ITSN1: variants seen among roughly 807,000 people sequenced by gnomAD.
The protein encoded by ITSN1 is intersectin 1.
Under a neutral mutation model 239.8 loss-of-function variants are expected in ITSN1, and 58 were observed. The ratio of observed to expected loss-of-function variants is 0.24; its 90% CI spans 0.20 to 0.30. ITSN1 has a LOEUF of 0.30. Among genes scored for constraint, ITSN1 ranks in the 10% least tolerant of loss-of-function variants. The pLI is 1.00. For synonymous variants in ITSN1, 780 were observed against 770.8 expected, an observed-to-expected ratio of 1.01 and a Z score of -0.20; for missense variants, 1,558 against 2,103.3, an observed-to-expected ratio of 0.74 and a Z score of 5.07.
intron 1 of ITSN1, among the ~76,000 whole-genome samples, chr21:33,718,440 T>C (rs549904907): frequency 1.1e-4 from 16 of 152,330 alleles, no homozygotes; most frequent in South Asian, 8.3e-4. Context: ...AGAATAACAG[T>C]TGTTTACATA....
chr21:33,835,697 G>A (rs147477088), intron 28 of ITSN1, among the ~76,000 whole-genome samples: 9,656 of 152,222 alleles, frequency 0.063, 421 homozygotes, highest in Non-Finnish European at 0.078. Context: ...TTGGGAGGCC[G>A]AGGCGGGCGG....
At chr21:33,720,895 A>G (rs1163170157) in intron 2 of ITSN1, among the ~76,000 whole-genome samples, 1 of 152,186 alleles carries the variant, frequency 6.6e-6, no homozygotes, top group African/African-American at 2.4e-5. Context: ...ATTTACTATA[A>G]TCTTGCTAAC....
intron 29 of ITSN1, among the ~76,000 whole-genome samples, chr21:33,843,535 C>T (rs1057505945): frequency 6.6e-6 from 1 of 152,226 alleles, no homozygotes; most frequent in African/African-American, 2.4e-5. Flanking sequence ...ATTTTCATTC[C>T]TGGCCTCCAG....
chr21:33,857,213 C>T (rs543410708), intron 30 of ITSN1, among the ~76,000 whole-genome samples: 148 of 152,342 alleles, frequency 9.7e-4, no homozygotes, highest in African/African-American at 3.5e-3. Flanking sequence ...GCCAGCCACG[C>T]CGCCCTCCTG....
intron 1 of ITSN1, among the ~76,000 whole-genome samples, chr21:33,693,619 A>G (rs2091656103): frequency 6.6e-6 from 1 of 152,194 alleles, no homozygotes; most frequent in South Asian, 2.1e-4. Flanking sequence ...GACCTCCCAC[A>G]GTGCTGGGAC....
intron 5 of ITSN1, among the ~76,000 whole-genome samples, chr21:33,742,351 G>A (rs961260801): frequency 5.3e-5 from 8 of 152,070 alleles, no homozygotes; most frequent in Non-Finnish European, 4.4e-5. Context: ...CACCGCGCCT[G>A]GCCCTATTTT....
intron 1 of ITSN1, among the ~76,000 whole-genome samples, chr21:33,662,889 C>T (rs144020936): frequency 5.2e-4 from 79 of 152,256 alleles, no homozygotes; most frequent in African/African-American, 1.8e-3. Flanking sequence ...ATGACAAGAT[C>T]CTTGTGTTAC....
At chr21:33,833,341 A>C (rs1200760862) in intron 27 of ITSN1, among the ~76,000 whole-genome samples, 1 of 152,160 alleles carries the variant, frequency 6.6e-6, no homozygotes, top group Non-Finnish European at 1.5e-5. Context: ...GGTTTGTGAA[A>C]GTAACATTGA....
intron 29 of ITSN1, chr21:33,837,304 C>T: frequency 8.6e-7 from 1 of 1,163,944 alleles, no homozygotes; most frequent in Non-Finnish European, 1.1e-6. Context: ...TGCACAGGTG[C>T]TTTCAATAGT....
In ITSN1 at chr21:33,836,994, A is replaced by G. The variant is rs371462129; in HGVS notation, c.3661+362A>G. 1.7e-5 allele frequency: 28 copies of G among 1,612,624 alleles called. No individual in the cohort carries two copies. The African/African-American group carries it at 2.9e-4, about 17-fold the overall frequency. On this transcript the variant is annotated intron_variant, in intron 29 of 39. Coordinates refer to ENST00000381318, the MANE Select transcript of ITSN1 (RefSeq NM_003024.3). ...TTTTCCTCCTTTTTCTAGGAATCAT[A>G]TGTTGTCCATCCCCCCCTCAGGCTT...
At chr21:33,646,241 C>A (rs1005251878) in intron 1 of ITSN1, among the ~76,000 whole-genome samples, 3 of 152,094 alleles carry the variant, frequency 2.0e-5, no homozygotes, top group African/African-American at 7.2e-5. Context: ...CTTTCCCAGG[C>A]GTAGTGTGCT....
intron 34 of ITSN1, among the ~76,000 whole-genome samples, chr21:33,876,638 C>T (rs532736146): frequency 1.6e-4 from 25 of 152,326 alleles, no homozygotes; most frequent in African/African-American, 5.5e-4. Context: ...CCGTGACTCA[C>T]GCCTGTAATC....
At chr21:33,671,120 ATATGGGACTGT>A (rs2090248458) in intron 1 of ITSN1, among the ~76,000 whole-genome samples, 1 of 152,196 alleles carries the variant, frequency 6.6e-6, no homozygotes, top group South Asian at 2.1e-4. Flanking sequence ...ACAATTCCTC[ATATGGGACTGT>A]TCTGCACAAC....
chr21:33,888,126 G>A, intron 39 of ITSN1, 26 bp from the exon 40 acceptor site: 1 of 1,612,728 alleles, frequency 6.2e-7, no homozygotes, highest in Non-Finnish European at 8.5e-7. Flanking sequence ...GTCCCTCTTA[G>A]GAGGGTCTGT....
At chr21:33,753,650 T>C (rs978960870) in intron 7 of ITSN1, among the ~76,000 whole-genome samples, 2 of 150,600 alleles carry the variant, frequency 1.3e-5, no homozygotes, top group African/African-American at 2.4e-5. Context: ...TAATCCCAGC[T>C]ACTCGGGAGG....
chr21:33,821,769 G>A (rs889488261), intron 24 of ITSN1, among the ~76,000 whole-genome samples: 6 of 152,250 alleles, frequency 3.9e-5, no homozygotes, highest in East Asian at 3.9e-4. Context: ...TTCAAAATTT[G>A]GATCAATTTT....
At chr21:33,660,773 G>C (rs1348158272) in intron 1 of ITSN1, among the ~76,000 whole-genome samples, 1 of 152,154 alleles carries the variant, frequency 6.6e-6, no homozygotes, top group African/African-American at 2.4e-5. Flanking sequence ...TTGCAGTGTA[G>C]AATCTGAAGT....
At chr21:33,885,400 G>C (rs765358433) in intron 37 of ITSN1, 39 bp from the exon 38 acceptor site, 10 of 1,568,818 alleles carry the variant, frequency 6.4e-6, no homozygotes, top group Non-Finnish European at 8.8e-6. Flanking sequence ...GGTGTGGCAC[G>C]TTCAAATGAA....
intron 1 of ITSN1, among the ~76,000 whole-genome samples, chr21:33,674,492 T>C (rs955395556): frequency 1.3e-5 from 2 of 152,136 alleles, no homozygotes; most frequent in African/African-American, 4.8e-5. Context: ...TTGAGAACTA[T>C]TGGGCTAAAG....
Sources: gnomAD v4.1 joint callset for allele counts (sites outside exome capture counted in the v4.1 genomes callset) on GRCh38, gnomAD v4.1.1 for gene constraint, MANE v1.5 for transcripts, NCBI Gene and HGNC (gene_info 2026-07-23, HGNC 2026-07-21) for gene names.